The following DOK6 variants were observed in gnomAD, a reference collection of about 807,000 sequenced individuals.
DOK6 encodes docking protein 6.
In DOK6, 22 loss-of-function variants were observed where a neutral mutation model predicts 44.0. The observed-to-expected ratio is 0.50, with a 90% CI of 0.36 to 0.71. The LOEUF is 0.71. Ranked by LOEUF, DOK6 falls within the 30% of genes least tolerant of loss-of-function variation. The pLI is 0.00. For missense variants in DOK6, 340 were observed against 416.4 expected (o/e 0.82, Z 1.60); for synonymous variants, 166 against 145.5 (o/e 1.14, Z -1.01).
chr18:69,484,673 A>G (rs1462426223), intron 1 of DOK6, among the ~76,000 whole-genome samples: 1 of 152,114 alleles, frequency 6.6e-6, no homozygotes, highest in African/African-American at 2.4e-5. Context: ...TATGTAATAC[A>G]TATTCTTGAT....
rs1362160231 is a variant in DOK6, at chr18:69,738,973, A to G, written c.608A>G (p.Asp203Gly). Residue 203 changes from aspartate (D) to glycine (G), a missense_variant, in exon 6 of 8, where the codon GAC becomes GGC. Transcript: ENST00000382713. The stretch of plus-strand genomic sequence containing the variant: ...TATCTCTATTCTCACAGAATGTGTG[A>G]CACAGGAGAAGGACTATTCACTTTT... ...WFTFESGRMC[D>G]TGEGLFTFQT... is the part of the protein sequence containing the mutation. The G allele has an allele frequency of 6.2e-7, 1 of 1,613,958 alleles. No individual in the cohort carries two copies. Among genetic ancestry groups the G allele is most frequent in the East Asian group, 2.2e-5 (1 of 44,882 alleles).
intron 5 of DOK6, among the ~76,000 whole-genome samples, chr18:69,700,267 G>A (rs1443507139): frequency 7.1e-6 from 1 of 139,882 alleles, no homozygotes; most frequent in Non-Finnish European, 1.5e-5. Flanking sequence ...TTTTGTCGGG[G>A]TTGGGGTTTT....
chr18:69,655,121 A>G (rs954946049), intron 3 of DOK6, among the ~76,000 whole-genome samples: 6 of 152,190 alleles, frequency 3.9e-5, no homozygotes, highest in Non-Finnish European at 5.9e-5. Flanking sequence ...CCTTCTGAAG[A>G]TGAGCTTACT....
chr18:69,497,529 G>A (rs1367914227), intron 1 of DOK6, among the ~76,000 whole-genome samples: 1 of 152,180 alleles, frequency 6.6e-6, no homozygotes, highest in Non-Finnish European at 1.5e-5. Flanking sequence ...TCAAGCACTG[G>A]TTATTCTCCT....
At chr18:69,402,799 G>A (rs905310274) in intron 1 of DOK6, among the ~76,000 whole-genome samples, 15 of 152,240 alleles carry the variant, frequency 9.9e-5, no homozygotes, top group African/African-American at 3.6e-4. Context: ...AGGCGCCAGA[G>A]TCAGATCCTC....
At chr18:69,545,907 A>G (rs1982391302) in intron 1 of DOK6, among the ~76,000 whole-genome samples, 1 of 151,516 alleles carries the variant, frequency 6.6e-6, no homozygotes, top group Non-Finnish European at 1.5e-5. Context: ...TAGAATTTTA[A>G]AAAGTGTTGG....
At chr18:69,667,217 A>G (rs1032030916) in intron 3 of DOK6, among the ~76,000 whole-genome samples, 3 of 152,108 alleles carry the variant, frequency 2.0e-5, no homozygotes, top group African/African-American at 4.8e-5. Context: ...TATTCTTTTT[A>G]TGCTACTAGA....
intron 4 of DOK6, among the ~76,000 whole-genome samples, chr18:69,689,982 T>G (rs1986229810): frequency 6.6e-6 from 1 of 152,142 alleles, no homozygotes; most frequent in Non-Finnish European, 1.5e-5. Flanking sequence ...AGTATAATAA[T>G]TGTGTGTGAA....
intron 5 of DOK6, among the ~76,000 whole-genome samples, chr18:69,700,263 C>T (rs569085393): frequency 9.3e-5 from 12 of 129,112 alleles, no homozygotes; most frequent in Non-Finnish European, 1.5e-4. Context: ...AAGGTTTTGT[C>T]GGGGTTGGGG....
At chr18:69,674,794 T>TAC (rs1985884260) in intron 3 of DOK6, among the ~76,000 whole-genome samples, 1 of 152,084 alleles carries the variant, frequency 6.6e-6, no homozygotes, top group Non-Finnish European at 1.5e-5. Context: ...GAGCACCATA[T>TAC]ACTAAACCCA....
chr18:69,430,577 T>C (rs1310172599), intron 1 of DOK6, among the ~76,000 whole-genome samples: 2 of 152,202 alleles, frequency 1.3e-5, no homozygotes, highest in African/African-American at 4.8e-5. Flanking sequence ...TACCTAGATG[T>C]TTTTCTTTCC....
chr18:69,474,034 A>G (rs1980191684), intron 1 of DOK6, among the ~76,000 whole-genome samples: 1 of 152,242 alleles, frequency 6.6e-6, no homozygotes, highest in South Asian at 2.1e-4. Flanking sequence ...TGTTGAAGCC[A>G]AAAATCATGG....
chr18:69,465,146 T>C (rs992165661), intron 1 of DOK6, among the ~76,000 whole-genome samples: 1 of 152,176 alleles, frequency 6.6e-6, no homozygotes, highest in East Asian at 1.9e-4. Context: ...AATTTTCTTG[T>C]ATGGCATGTT....
At chr18:69,706,527 A>G (rs984955856) in intron 5 of DOK6, among the ~76,000 whole-genome samples, 4 of 151,138 alleles carry the variant, frequency 2.6e-5, no homozygotes, top group Admixed American at 1.3e-4. Flanking sequence ...TTTTTTTTTA[A>G]TTTTATTATT....
intron 2 of DOK6, among the ~76,000 whole-genome samples, chr18:69,568,300 A>G (rs996939700): frequency 1.3e-5 from 2 of 152,206 alleles, no homozygotes; most frequent in Non-Finnish European, 2.9e-5. Flanking sequence ...TGTTTACATA[A>G]TGCATGGAAT....
chr18:69,465,687 T>C (rs980839237), intron 1 of DOK6, among the ~76,000 whole-genome samples: 2 of 152,126 alleles, frequency 1.3e-5, no homozygotes, highest in Non-Finnish European at 2.9e-5. Context: ...GTGCCACATT[T>C]TCTTAATCCA....
chr18:69,650,624 C>G (rs573202411), intron 3 of DOK6, among the ~76,000 whole-genome samples: 1 of 152,168 alleles, frequency 6.6e-6, no homozygotes, highest in African/African-American at 2.4e-5. Flanking sequence ...GGGAGGTGAC[C>G]CTTGCTGTTC....
chr18:69,820,939 T>G (rs1048675481), intron 7 of DOK6, among the ~76,000 whole-genome samples: 1 of 152,052 alleles, frequency 6.6e-6, no homozygotes, highest in Non-Finnish European at 1.5e-5. Flanking sequence ...GAATAACTAA[T>G]GGGTACTAGG....
At chr18:69,835,337 C>T (rs1056361362) in intron 7 of DOK6, among the ~76,000 whole-genome samples, 5 of 152,062 alleles carry the variant, frequency 3.3e-5, no homozygotes, top group African/African-American at 1.2e-4. Context: ...TGGTGGTGGG[C>T]GCCTGTAGTC....
Sources: gnomAD v4.1 joint callset for allele counts (sites outside exome capture counted in the v4.1 genomes callset) on GRCh38, gnomAD v4.1.1 for gene constraint, MANE v1.5 for transcripts, NCBI Gene and HGNC (gene_info 2026-07-23, HGNC 2026-07-21) for gene names.